Variants in APC observed in about 807,000 individuals in gnomAD.
The protein encoded by APC is APC regulator of Wnt signaling pathway, also known as adenomatous polyposis coli protein.
In APC, 72 loss-of-function variants were observed where a neutral mutation model predicts 247.0. The ratio of observed to expected loss-of-function variants is 0.29; its 90% CI spans 0.24 to 0.35. APC has a LOEUF of 0.35. APC is among the 10% of genes least tolerant of loss of function. The pLI, the probability that APC is intolerant of heterozygous loss-of-function variation, is 1.00. For synonymous variants in APC, 1,254 were observed against 1,162.5 expected (o/e 1.08, Z -1.60); for missense variants, 3,400 against 3,360.7 (o/e 1.01, Z -0.29).
chr5:112,710,420 A>G (rs1240439750), intron 1 of APC, among the ~76,000 whole-genome samples: 1 of 152,142 alleles, frequency 6.6e-6, no homozygotes, highest in African/African-American at 2.4e-5. Flanking sequence ...ATCTCAGAGG[A>G]AGAAATGACC....
chr5:112,822,673 C>G (rs1353282189), intron 11 of APC, among the ~76,000 whole-genome samples: 1 of 152,086 alleles, frequency 6.6e-6, no homozygotes, highest in Non-Finnish European at 1.5e-5. Flanking sequence ...TAAATTGCAT[C>G]ATGCTGAACC....
chr5:112,734,795 T>G (rs866953106), upstream of APC, among the ~76,000 whole-genome samples: 943 of 145,030 alleles, frequency 6.5e-3, 5 homozygotes, highest in Middle Eastern at 0.011. Context: ...GTGTGTGTGT[T>G]TTTTTTTTTT....
At chr5:112,827,813 A>G (rs1763856700) in intron 12 of APC, 116 bp from the exon 13 acceptor site, 3 of 781,162 alleles carry the variant, frequency 3.8e-6, no homozygotes, top group Non-Finnish European at 2.2e-6. Flanking sequence ...TGAGTGAAGT[A>G]TCAGTTATGA....
chr5:112,762,914 A>T (rs1318240134), intron 2 of APC, among the ~76,000 whole-genome samples: 2 of 152,368 alleles, frequency 1.3e-5, no homozygotes, highest in South Asian at 4.1e-4. Flanking sequence ...AATGTAGGTC[A>T]TATTGGATGG....
rs776560257 is a variant in APC at position 112,838,449 on chromosome 5, C to T, written c.2855C>T (p.Ala952Val). ...AATAGGACATGTTCTATGCCTTATG[C>T]CAAATTAGAATACAAGAGATCTTCA... is the stretch of plus-strand genomic sequence containing the variant. ...NSNRTCSMPY[A>V]KLEYKRSSND... The change falls in exon 16 of 16, where the codon GCC becomes GTC. Residue 952 changes from alanine (A) to valine (V), a missense_variant. This residue lies in a region of APC where 715 missense variants were observed against 656.6 expected (regional missense o/e 1.09). Transcript: ENST00000257430. 4.3e-6 allele frequency: 7 copies of T among 1,613,974 alleles called. No individual in the cohort carries two copies. Among genetic ancestry groups the T allele is most frequent in the Non-Finnish European group, 5.9e-6 (7 of 1,180,018 alleles).
intron 6 of APC, among the ~76,000 whole-genome samples, chr5:112,788,365 A>G (rs1759205450): frequency 6.6e-6 from 1 of 152,184 alleles, no homozygotes; most frequent in South Asian, 2.1e-4. Context: ...AGGAGAAGTC[A>G]GACCTTCATA....
In APC at chr5:112,843,312, T is replaced by C. The variant is rs2149992531; in HGVS notation, c.7718T>C (p.Ile2573Thr). Residue 2573 changes from isoleucine to threonine, a missense_variant, in exon 16 of 16, where the codon ATT becomes ACT. Transcript: ENST00000257430. This position sits in a 1 kb window ranked among gnomAD's most constrained non-coding sequence, Gnocchi z 4.8. Reference protein sequence around the residue: ...TWRRTGSSSSILSASSESSEK... With the variant: ...TWRRTGSSSSTLSASSESSEK... Reference sequence around the variant, plus strand: ...AGAAGAACTGGAAGTTCATCTTCAATTCTTTCTGCTTCATCAGAATCCAGT... The same window carrying C: ...AGAAGAACTGGAAGTTCATCTTCAACTCTTTCTGCTTCATCAGAATCCAGT... The C allele has an allele frequency of 6.2e-7, 1 of 1,613,686 alleles. No individual in the cohort carries two copies. Among genetic ancestry groups the C allele is most frequent in the Non-Finnish European group, 8.5e-7 (1 of 1,179,642 alleles).
chr5:112,794,139 C>CTGGA, intron 7 of APC, among the ~76,000 whole-genome samples: 1 of 152,162 alleles, frequency 6.6e-6, no homozygotes, highest in African/African-American at 2.4e-5. Context: ...GTCACCCAGG[C>CTGGA]TGGAGTGCAG....
At chr5:112,787,259 G>A (rs1212528774) in intron 6 of APC, among the ~76,000 whole-genome samples, 2 of 152,174 alleles carry the variant, frequency 1.3e-5, no homozygotes, top group Non-Finnish European at 2.9e-5. Flanking sequence ...CTGTGTTTCA[G>A]TAAAACTTAA....
chr5:112,786,300 A>G (rs1308424704), intron 6 of APC, among the ~76,000 whole-genome samples: 1 of 152,222 alleles, frequency 6.6e-6, no homozygotes, highest in African/African-American at 2.4e-5. Context: ...GCAGTTCATT[A>G]AAAAGATGGC....
chr5:112,826,042 A>G (rs1008959630), intron 11 of APC, among the ~76,000 whole-genome samples: 9 of 152,182 alleles, frequency 5.9e-5, no homozygotes, highest in South Asian at 2.1e-4. Flanking sequence ...GTTTTGCATA[A>G]ATCTTCCTAC....
At position 112,835,038 on chromosome 5, in the gene APC, G is replaced by C. The variant is rs1764712331; in HGVS notation, c.1831G>C (p.Gly611Arg). The C allele has an allele frequency of 1.2e-6, 2 of 1,614,096 alleles. No homozygotes were observed. The highest frequency in any genetic ancestry group is 2.2e-5 in the South Asian group (2 of 91,080). ...TAAAGCTGATATATGTGCTGTAGATGGTGCACTTGCATTTTTGGTTGGCAC... is the reference window on the plus strand; with the variant it reads ...TAAAGCTGATATATGTGCTGTAGATCGTGCACTTGCATTTTTGGTTGGCAC... ...ENKADICAVD[G>R]ALAFLVGTLT... is the part of the protein sequence containing the mutation. The change falls in exon 15 of 16, where the codon GGT becomes CGT. Residue 611 changes from glycine (G) to arginine (R), a missense_variant. Physicochemically the swap from Gly to Arg is moderately radical, Grantham distance 125. Transcript: ENST00000257430.
At position 112,840,284 on chromosome 5, in the gene APC, T is replaced by C. The variant is rs1009904304; in HGVS notation, c.4690T>C (p.Leu1564=). Residue 1564 remains leucine (L), a synonymous_variant, in exon 16 of 16, where the codon TTA becomes CTA. Transcript: ENST00000257430. This position sits in a 1 kb window ranked among gnomAD's most constrained non-coding sequence, Gnocchi z 4.1. ...EKTIDSEKDL[L]DDSDDDDIEI... is the part of the protein sequence containing the mutation. ...AACTATTGATTCTGAAAAGGACCTA[T>C]TAGATGATTCAGATGATGATGATAT... 4 of 1,614,154 alleles carry C rather than the reference T, an allele frequency of 2.5e-6. No individual in the cohort carries two copies. Among genetic ancestry groups the C allele is most frequent in the Non-Finnish European group, 3.4e-6 (4 of 1,179,982 alleles).
At chr5:112,713,417 A>C (rs1401429051) in intron 1 of APC, among the ~76,000 whole-genome samples, 1 of 152,138 alleles carries the variant, frequency 6.6e-6, no homozygotes, top group East Asian at 1.9e-4. Context: ...TAGGCAACTA[A>C]ACCGTTCACA....
At chr5:112,715,286 C>T (rs1312334952) in intron 1 of APC, among the ~76,000 whole-genome samples, 2 of 152,112 alleles carry the variant, frequency 1.3e-5, no homozygotes, top group Non-Finnish European at 2.9e-5. Flanking sequence ...GTTGTCTGAG[C>T]TTAAATTTTA....
chr5:112,732,031 G>A (rs1403967290), intron 1 of APC, among the ~76,000 whole-genome samples: 2 of 152,164 alleles, frequency 1.3e-5, no homozygotes, highest in African/African-American at 4.8e-5. Context: ...CAAAGTGCTG[G>A]GGTTACAGGC....
At chr5:112,744,814 T>C (rs1458990872) in intron 1 of APC, among the ~76,000 whole-genome samples, 3 of 152,230 alleles carry the variant, frequency 2.0e-5, no homozygotes, top group African/African-American at 7.2e-5. Flanking sequence ...ATATAATAGA[T>C]TGTGAACACC....
At chr5:112,758,110 G>T (rs1755197016) in intron 2 of APC, among the ~76,000 whole-genome samples, 1 of 151,996 alleles carries the variant, frequency 6.6e-6, no homozygotes, top group African/African-American at 2.4e-5. Flanking sequence ...GGATATGAAG[G>T]TACATGGGGC....
chr5:112,754,754 T>A, intron 1 of APC, 119 bp from the exon 2 acceptor site: 1 of 926,606 alleles, frequency 1.1e-6, no homozygotes, highest in Non-Finnish European at 1.7e-6. Flanking sequence ...AAAACTAGCA[T>A]ATTAACACAA....
Sources: allele counts gnomAD v4.1 joint callset (sites outside exome capture counted in the v4.1 genomes callset), GRCh38; gene constraint gnomAD v4.1.1; regional missense constraint gnomAD v4.1.1; non-coding constraint Gnocchi (gnomAD v3.1); transcripts MANE v1.5; gene names NCBI Gene and HGNC (gene_info 2026-07-23, HGNC 2026-07-21).